The following GPR39 variants were observed in gnomAD, a reference collection of about 807,000 sequenced individuals.
GPR39 encodes the protein zinc sensing receptor.
GPR39 carries 23 observed loss-of-function variants against 18.4 expected under a neutral mutation model. The ratio of observed to expected loss-of-function variants is 1.25; its 90% CI spans 0.90 to 1.77. GPR39 has a LOEUF of 1.77. Among genes scored for constraint, GPR39 ranks in the 40% most tolerant of loss-of-function variants. The probability of loss-of-function intolerance (pLI) is 0.00; values close to 1 mark genes in which losing one functional copy is unlikely to be tolerated. For synonymous variants in GPR39, 280 were observed against 257.9 expected (o/e 1.09, Z -0.82); for missense variants, 647 against 602.4 (o/e 1.07, Z -0.78).
chr2:132,602,746 T>TA lies in GPR39; in HGVS notation c.857-42346dup, dbSNP rs796499898. On this transcript the variant is annotated intron_variant, in intron 1 of 1. Transcript: ENST00000329321. The stretch of plus-strand genomic sequence containing the variant: ...CAAATGATTTGAATAGACATTTCTC[T>TA]AAAAAAAAAGACACAAGTGGCCAAT... Among the ~76,000 whole-genome samples the TA allele has an allele frequency of 3.7e-3, 538 of 147,006 alleles. 4 individuals carry two copies. Among genetic ancestry groups the TA allele is most frequent in the African/African-American group, 0.012 (476 of 40,132 alleles).
chr2:132,540,556 A>C (rs757957643), intron 1 of GPR39, among the ~76,000 whole-genome samples: 31 of 152,312 alleles, frequency 2.0e-4, no homozygotes, highest in African/African-American at 3.1e-4. Context: ...ACCCCGGAGC[A>C]TCACCCTTTA....
chr2:132,511,316 G>A (rs925834008), intron 1 of GPR39, among the ~76,000 whole-genome samples: 2 of 152,048 alleles, frequency 1.3e-5, no homozygotes, highest in Non-Finnish European at 2.9e-5. Flanking sequence ...ATTAAACTGT[G>A]TGCTTCACTT....
chr2:132,505,477 C>T (rs755070941), intron 1 of GPR39, among the ~76,000 whole-genome samples: 2 of 152,070 alleles, frequency 1.3e-5, no homozygotes, highest in Non-Finnish European at 2.9e-5. Context: ...CTCTACTTTC[C>T]ACCGTTAGAA....
intron 1 of GPR39, among the ~76,000 whole-genome samples, chr2:132,513,219 A>T (rs1212180510): frequency 6.6e-6 from 1 of 152,240 alleles, no homozygotes; most frequent in Non-Finnish European, 1.5e-5. Context: ...CCCCAGAAGT[A>T]GGACAGCAAC....
intron 1 of GPR39, among the ~76,000 whole-genome samples, chr2:132,514,277 T>G (rs1275331007): frequency 6.6e-6 from 1 of 152,152 alleles, no homozygotes; most frequent in Non-Finnish European, 1.5e-5. Context: ...TGTCTCTCCA[T>G]GTACCCCTAC....
intron 1 of GPR39, among the ~76,000 whole-genome samples, chr2:132,538,794 C>A (rs1284432180): frequency 6.6e-6 from 1 of 152,210 alleles, no homozygotes; most frequent in African/African-American, 2.4e-5. Context: ...AACATTCTGG[C>A]CACAGCTGCT....
intron 1 of GPR39, among the ~76,000 whole-genome samples, chr2:132,489,472 C>T (rs778412975): frequency 6.6e-5 from 10 of 152,148 alleles, no homozygotes; most frequent in Middle Eastern, 3.4e-3. Flanking sequence ...CCGCTCCCTC[C>T]TGGACTTTCT....
At chr2:132,446,038 ACTC>A (rs528500274) in intron 1 of GPR39, among the ~76,000 whole-genome samples, 1,655 of 152,216 alleles carry the variant, frequency 0.011, 27 homozygotes, top group African/African-American at 0.038. Context: ...CAGAGATGTG[ACTC>A]CTCAGAGAAG....
chr2:132,578,845 T>C (rs1335390368), intron 1 of GPR39, among the ~76,000 whole-genome samples: 1 of 152,126 alleles, frequency 6.6e-6, no homozygotes, highest in Non-Finnish European at 1.5e-5. Flanking sequence ...GTTTCACTTG[T>C]GATATTAATA....
chr2:132,595,728 TG>T (rs1381900686), intron 1 of GPR39, among the ~76,000 whole-genome samples: 2 of 152,304 alleles, frequency 1.3e-5, no homozygotes, highest in East Asian at 3.9e-4. Context: ...TGCCATTTTT[TG>T]TTGTGATCAA....
At chr2:132,595,274 T>C (rs1313429593) in intron 1 of GPR39, among the ~76,000 whole-genome samples, 1 of 152,124 alleles carries the variant, frequency 6.6e-6, no homozygotes, top group Non-Finnish European at 1.5e-5. Flanking sequence ...ACCACTGGGA[T>C]TATAGGTGTG....
intron 1 of GPR39, among the ~76,000 whole-genome samples, chr2:132,489,925 A>G (rs1429794709): frequency 1.3e-5 from 2 of 151,932 alleles, no homozygotes; most frequent in African/African-American, 4.9e-5. Flanking sequence ...ACACAGGCCC[A>G]GGAGCTTGCA....
At chr2:132,468,571 T>C (rs1370481803) in intron 1 of GPR39, among the ~76,000 whole-genome samples, 1 of 152,130 alleles carries the variant, frequency 6.6e-6, no homozygotes, top group Non-Finnish European at 1.5e-5. Flanking sequence ...GAATGATGAA[T>C]TGAGTTTGGA....
At chr2:132,591,267 A>AC (rs1558850834) in intron 1 of GPR39, among the ~76,000 whole-genome samples, 1 of 121,140 alleles carries the variant, frequency 8.3e-6, no homozygotes, top group Admixed American at 8.8e-5. Context: ...CAAAAAAAAA[A>AC]AAAAAAAAAA....
intron 1 of GPR39, among the ~76,000 whole-genome samples, chr2:132,458,458 T>TTGTGTGTGTGTGTGTG (rs57137481): frequency 1.1e-4 from 14 of 132,206 alleles, no homozygotes; most frequent in Middle Eastern, 3.9e-3. Context: ...CTCGGTGTGT[T>TTGTGTGTGTGTGTGTG]TGTGTGTGTG....
intron 1 of GPR39, among the ~76,000 whole-genome samples, chr2:132,560,918 C>CT (rs34504049): frequency 0.26 from 36,663 of 142,868 alleles, 4,734 homozygotes; most frequent in East Asian, 0.34. Flanking sequence ...TTGTTTTTTG[C>CT]TTTTTTTTTT....
At position 132,646,420 on chromosome 2, in the gene GPR39, G is replaced by C. The variant is rs1463058924; in HGVS notation, c.*814G>C. 6.7e-6 allele frequency: 3 copies of C among 448,366 alleles called. No homozygotes were observed. Among genetic ancestry groups the C allele is most frequent in the East Asian group, 7.1e-5 (2 of 28,308 alleles). The allele number at this position is 448,366 out of a possible 1,614,324, so 27.8% of individuals were successfully genotyped here. ...CTAGGTGAGGTCAGGGAAGTGCTTCGGATTGTCTCATTGATATTCAAGATA... is the reference window on the plus strand; with the variant it reads ...CTAGGTGAGGTCAGGGAAGTGCTTCCGATTGTCTCATTGATATTCAAGATA... On this transcript the variant is annotated 3_prime_UTR_variant, in exon 2 of 2. Coordinates refer to ENST00000329321, the MANE Select transcript of GPR39 (RefSeq NM_001508.3).
intron 1 of GPR39, among the ~76,000 whole-genome samples, chr2:132,555,253 T>A (rs1346701582): frequency 6.6e-6 from 1 of 151,300 alleles, no homozygotes; most frequent in Non-Finnish European, 1.5e-5. Context: ...CAACCACTTT[T>A]AACACAGAAT....
chr2:132,557,928 G>T (rs1355169178), intron 1 of GPR39, among the ~76,000 whole-genome samples: 2 of 146,010 alleles, frequency 1.4e-5, no homozygotes, highest in Non-Finnish European at 3.0e-5. Flanking sequence ...CTAGATAAGG[G>T]TTCAGGGATG....
Sources: gnomAD v4.1 joint callset for allele counts (sites outside exome capture counted in the v4.1 genomes callset) on GRCh38, gnomAD v4.1.1 for gene constraint, MANE v1.5 for transcripts, NCBI Gene and HGNC (gene_info 2026-07-23, HGNC 2026-07-21) for gene names.